The following ADGRL3 variants were observed in gnomAD, a reference collection of about 807,000 sequenced individuals.
ADGRL3 encodes the protein calcium-independent alpha-latrotoxin receptor 3.
A neutral mutation model predicts 153.5 loss-of-function variants in ADGRL3; 62 were observed. That is an observed-to-expected ratio of 0.40 (90% CI 0.33 to 0.50). ADGRL3 has a LOEUF of 0.50. Among genes scored for constraint, ADGRL3 ranks in the 20% least tolerant of loss-of-function variants. ADGRL3 has a pLI of 0.47. For missense variants in ADGRL3, 1,641 were observed against 1,859.4 expected, an observed-to-expected ratio of 0.88 and a Z score of 2.16; for synonymous variants, 710 against 672.5, an observed-to-expected ratio of 1.06 and a Z score of -0.86.
chr4:61,466,886 G>T (rs2097891408), intron 2 of ADGRL3, among the ~76,000 whole-genome samples: 1 of 151,752 alleles, frequency 6.6e-6, no homozygotes. Context: ...AATGAAATGT[G>T]GATGCTGATA....
intron 1 of ADGRL3, among the ~76,000 whole-genome samples, chr4:61,247,146 CT>C (rs987999600): frequency 5.8e-4 from 87 of 150,652 alleles, no homozygotes; most frequent in African/African-American, 1.7e-3. Context: ...AAAGCAGTCA[CT>C]TTTTTTTTAG....
At position 61,202,706 on chromosome 4, in the gene ADGRL3, T is replaced by G. The variant is rs1735319342; in HGVS notation, c.-240+941T>G. The stretch of plus-strand genomic sequence containing the variant: ...CCAGCCTCCGGTCCCACGTCGGAGC[T>G]CAGAAGCTTAGGGTGCCAGGCCCCC... On this transcript the variant is annotated intron_variant, in intron 1 of 26. Coordinates refer to ENST00000683033, the MANE Select transcript of ADGRL3 (RefSeq NM_001387552.1). This position sits in a 1 kb window ranked among gnomAD's most constrained non-coding sequence, Gnocchi z 5.0. 6.6e-6 allele frequency among the ~76,000 whole-genome samples: 1 copy of G among 152,062 alleles called. No homozygotes were observed. Among genetic ancestry groups the G allele is most frequent in the African/African-American group, 2.4e-5 (1 of 41,430 alleles).
At chr4:61,644,955 G>A (rs894661713) in intron 5 of ADGRL3, among the ~76,000 whole-genome samples, 2 of 152,002 alleles carry the variant, frequency 1.3e-5, no homozygotes, top group African/African-American at 4.8e-5. Context: ...CTTGCTTTAT[G>A]AATCTGGGTG....
chr4:61,285,680 G>A (rs1444920090), intron 1 of ADGRL3, among the ~76,000 whole-genome samples: 1 of 151,764 alleles, frequency 6.6e-6, no homozygotes, highest in Admixed American at 6.6e-5. Flanking sequence ...ACCCAATTTT[G>A]AACCTGGCAT....
intron 1 of ADGRL3, among the ~76,000 whole-genome samples, chr4:61,370,884 T>C (rs2096509963): frequency 1.3e-5 from 2 of 151,968 alleles, no homozygotes; most frequent in East Asian, 1.9e-4. Flanking sequence ...TGTAGGTCAC[T>C]CAGGACTTGC....
At position 62,070,606 on chromosome 4, in the gene ADGRL3, C is replaced by G; in HGVS notation, c.4330C>G (p.Leu1444Val). 1 of 1,551,840 alleles carries G rather than the reference C, an allele frequency of 6.4e-7. No homozygotes were observed. Among genetic ancestry groups the G allele is most frequent in the East Asian group, 2.4e-5 (1 of 40,898 alleles). ...GCTAACCAACGAGCACACAGAAGAT[C>G]TCCAGTCACCCCATAGAGACTCTCT... ...PLLTNEHTEDLQSPHRDSLYT... is the reference protein window; with the variant it reads ...PLLTNEHTEDVQSPHRDSLYT... The change falls in exon 27 of 27, where the codon CTC becomes GTC. Residue 1444 changes from leucine (L) to valine (V), a missense_variant. By Grantham distance (32) the Leu-to-Val change is conservative. This residue lies in a region of ADGRL3 where 517 missense variants were observed against 555.0 expected (regional missense o/e 0.93). Transcript: ENST00000683033.
chr4:61,629,709 T>C (rs2093038643), intron 5 of ADGRL3, among the ~76,000 whole-genome samples: 1 of 95,202 alleles, frequency 1.1e-5, no homozygotes, highest in South Asian at 4.0e-4. Flanking sequence ...AATGCAAGAC[T>C]CCGTCTCGGG....
chr4:61,802,770 A>G (rs2097513507), intron 8 of ADGRL3, among the ~76,000 whole-genome samples: 1 of 150,862 alleles, frequency 6.6e-6, no homozygotes, highest in African/African-American at 2.5e-5. Flanking sequence ...TTAGGCATAT[A>G]ATTTTATGAC....
At chr4:61,711,422 C>T (rs2095979278) in intron 6 of ADGRL3, among the ~76,000 whole-genome samples, 1 of 130,970 alleles carries the variant, frequency 7.6e-6, no homozygotes, top group Non-Finnish European at 1.6e-5. Flanking sequence ...GAGGACCTTA[C>T]AAACCTAACA....
intron 2 of ADGRL3, among the ~76,000 whole-genome samples, chr4:61,466,015 A>G (rs763989333): frequency 1.3e-5 from 2 of 151,734 alleles, no homozygotes; most frequent in Non-Finnish European, 2.9e-5. Flanking sequence ...CCAGCTACTC[A>G]GGAGGCTGAG....
At chr4:61,819,575 T>C (rs1167387463) in intron 9 of ADGRL3, among the ~76,000 whole-genome samples, 1 of 152,140 alleles carries the variant, frequency 6.6e-6, no homozygotes, top group Admixed American at 6.5e-5. Context: ...TTATAGTTTA[T>C]GGACTTGACT....
At chr4:61,235,875 G>T (rs1391745427) in intron 1 of ADGRL3, among the ~76,000 whole-genome samples, 1 of 152,022 alleles carries the variant, frequency 6.6e-6, no homozygotes, top group Non-Finnish European at 1.5e-5. Context: ...AAGGTTATTT[G>T]TCATTGTAAA....
At chr4:61,752,673 C>T (rs943355213) in intron 8 of ADGRL3, among the ~76,000 whole-genome samples, 1 of 152,170 alleles carries the variant, frequency 6.6e-6, no homozygotes, top group African/African-American at 2.4e-5. Flanking sequence ...GGCTCACAAC[C>T]TGTAATGCCA....
chr4:61,318,074 G>C (rs1440999412), intron 1 of ADGRL3, among the ~76,000 whole-genome samples: 1 of 151,426 alleles, frequency 6.6e-6, no homozygotes, highest in African/African-American at 2.4e-5. Context: ...CTGCTTGGGA[G>C]CCTGAGGTGG....
At chr4:61,456,379 A>ATC (rs200515607) in intron 2 of ADGRL3, among the ~76,000 whole-genome samples, 4,836 of 113,928 alleles carry the variant, frequency 0.042, 448 homozygotes, top group Non-Finnish European at 0.07. Flanking sequence ...ATATATCTAT[A>ATC]TATATATATA....
intron 2 of ADGRL3, among the ~76,000 whole-genome samples, chr4:61,404,648 A>T (rs969453573): frequency 6.6e-6 from 1 of 152,098 alleles, no homozygotes; most frequent in Admixed American, 6.6e-5. Context: ...TTAAAAAATT[A>T]CCACCCTGAA....
intron 4 of ADGRL3, among the ~76,000 whole-genome samples, chr4:61,569,214 A>G (rs2098828690): frequency 6.6e-6 from 1 of 152,166 alleles, no homozygotes; most frequent in Non-Finnish European, 1.5e-5. Flanking sequence ...GCTTTTTCAT[A>G]ATACATGTTA....
At chr4:61,613,280 T>C (rs968998336) in intron 5 of ADGRL3, among the ~76,000 whole-genome samples, 3 of 152,202 alleles carry the variant, frequency 2.0e-5, no homozygotes, top group Non-Finnish European at 2.9e-5. Context: ...AATGAGAGTA[T>C]AATTTTTATT....
At chr4:61,226,041 C>T (rs565774221) in intron 1 of ADGRL3, among the ~76,000 whole-genome samples, 2 of 152,226 alleles carry the variant, frequency 1.3e-5, no homozygotes, top group Admixed American at 1.3e-4. Context: ...AAATCTTTGT[C>T]TCCCCCAAAA....
Sources: allele counts gnomAD v4.1 joint callset (sites outside exome capture counted in the v4.1 genomes callset), GRCh38; gene constraint gnomAD v4.1.1; regional missense constraint gnomAD v4.1.1; non-coding constraint Gnocchi (gnomAD v3.1); transcripts MANE v1.5; gene names NCBI Gene and HGNC (gene_info 2026-07-23, HGNC 2026-07-21).